BRD10: variants seen among roughly 807,000 people sequenced by gnomAD.
The protein encoded by BRD10 is uncharacterized bromodomain-containing protein 10.
chr9:5,950,846 A>ATC, the BRD10 span, among the ~76,000 whole-genome samples: 1 of 152,170 alleles, frequency 6.6e-6, no homozygotes, highest in Non-Finnish European at 1.5e-5. Flanking sequence ...ACTTTAGGTC[A>ATC]TCTCTACATT....
chr9:5,989,209 G>GTGACAGAGTTCCTACCT, the BRD10 span, among the ~76,000 whole-genome samples: 2 of 130,248 alleles, frequency 1.5e-5, no homozygotes, highest in South Asian at 2.5e-4. Flanking sequence ...TCCAGCCTGG[G>GTGACAGAGTTCCTACCT]CAACAAGAGA....
At chr9:5,924,946 T>C in the BRD10 span, 2 of 846,308 alleles carry the variant, frequency 2.4e-6, no homozygotes, top group Non-Finnish European at 3.3e-6. Flanking sequence ...AAATATTTTT[T>C]ATTAAGTCAC....
chr9:5,929,235 T>A, the BRD10 span: 1 of 772,048 alleles, frequency 1.3e-6, no homozygotes, highest in Non-Finnish European at 2.2e-6. Context: ...CTGAGTAAAA[T>A]ACAAAAACAC....
the BRD10 span, among the ~76,000 whole-genome samples, chr9:6,001,062 A>T: frequency 2.6e-5 from 4 of 152,150 alleles, no homozygotes; most frequent in African/African-American, 9.6e-5. Context: ...AAGCATCACC[A>T]CCAGCTGGGC....
At chr9:5,975,527 C>T in the BRD10 span, among the ~76,000 whole-genome samples, 3 of 139,588 alleles carry the variant, frequency 2.1e-5, no homozygotes, top group African/African-American at 7.9e-5. Flanking sequence ...TGGTCAAAAA[C>T]TTAAGTAGAG....
chr9:6,006,713 T>C, the BRD10 span, among the ~76,000 whole-genome samples: 1 of 152,238 alleles, frequency 6.6e-6, no homozygotes, highest in Non-Finnish European at 1.5e-5. Context: ...ACTCCATAAA[T>C]CTTCGATGAC....
the BRD10 span, among the ~76,000 whole-genome samples, chr9:5,931,656 C>T: frequency 5.0e-4 from 76 of 152,190 alleles, 1 homozygote; most frequent in Non-Finnish European, 7.8e-4. Flanking sequence ...GTACTTCATT[C>T]ATAATTTGAA....
At chr9:5,888,695 A>G in the BRD10 span, among the ~76,000 whole-genome samples, 2 of 152,370 alleles carry the variant, frequency 1.3e-5, no homozygotes, top group East Asian at 1.9e-4. Flanking sequence ...GTTGAGAACA[A>G]TCATCGAAGC....
the BRD10 span, chr9:5,920,628 A>G: frequency 1.9e-6 from 3 of 1,614,000 alleles, no homozygotes; most frequent in Non-Finnish European, 2.5e-6. Context: ...ATCCCTGGTG[A>G]ATGGAACTGG....
chr9:5,926,692 C>T, the BRD10 span, among the ~76,000 whole-genome samples: 4 of 151,952 alleles, frequency 2.6e-5, no homozygotes, highest in Admixed American at 1.3e-4. Context: ...CCACCACACC[C>T]GGCTAATTTT....
chr9:5,942,317 A>T, the BRD10 span, among the ~76,000 whole-genome samples: 1 of 152,194 alleles, frequency 6.6e-6, no homozygotes, highest in Admixed American at 6.5e-5. Context: ...AAGTTGTTTT[A>T]GTATCAAAGG....
chr9:5,988,436 T>A, the BRD10 span: 2 of 1,613,990 alleles, frequency 1.2e-6, no homozygotes, highest in South Asian at 1.1e-5. Context: ...CCTGCCAAAC[T>A]TCGCGGTGTT....
the BRD10 span, among the ~76,000 whole-genome samples, chr9:5,914,776 G>A: frequency 2.0e-5 from 3 of 152,074 alleles, no homozygotes; most frequent in Non-Finnish European, 4.4e-5. Context: ...CATTCCATGA[G>A]ACTCCCAGAA....
chr9:5,953,742 T>C, the BRD10 span, among the ~76,000 whole-genome samples: 1 of 151,818 alleles, frequency 6.6e-6, no homozygotes, highest in African/African-American at 2.4e-5. Context: ...ATATTATTTC[T>C]ATTAAACTGC....
chr9:5,918,129 A>G, the BRD10 span, among the ~76,000 whole-genome samples: 2 of 152,192 alleles, frequency 1.3e-5, no homozygotes, highest in Non-Finnish European at 2.9e-5. Context: ...ACTTGAGTAG[A>G]GCATAAACAT....
chr9:5,885,393 T>TC, the BRD10 span, among the ~76,000 whole-genome samples: 41 of 148,608 alleles, frequency 2.8e-4, no homozygotes, highest in East Asian at 6.7e-3. Flanking sequence ...TTTTTTTTTT[T>TC]CAGTTTCACT....
At chr9:5,967,208 C>G in the BRD10 span, among the ~76,000 whole-genome samples, 23 of 151,500 alleles carry the variant, frequency 1.5e-4, no homozygotes, top group African/African-American at 4.4e-4. Flanking sequence ...TTTTTCCAAT[C>G]AAGCAACTTC....
the BRD10 span, among the ~76,000 whole-genome samples, chr9:5,998,941 A>G: frequency 6.6e-6 from 1 of 152,052 alleles, no homozygotes; most frequent in East Asian, 1.9e-4. Flanking sequence ...CATATTTAAT[A>G]GTTTTTAAAT....
chr9:6,008,220 G>A, the BRD10 span: 1 of 980,438 alleles, frequency 1.0e-6, no homozygotes, highest in Non-Finnish European at 1.2e-6. Flanking sequence ...CTCCCCGGAG[G>A]GGGCCGCAGC....
Sources: allele counts gnomAD v4.1 joint callset (sites outside exome capture counted in the v4.1 genomes callset), GRCh38; gene constraint gnomAD v4.1.1; transcripts MANE v1.5; gene names NCBI Gene and HGNC (gene_info 2026-07-23, HGNC 2026-07-21).